STK32C: variants seen among roughly 807,000 people sequenced by gnomAD.
STK32C encodes serine/threonine-protein kinase 32C.
In STK32C, 31 loss-of-function variants were observed where a neutral mutation model predicts 56.5. The ratio of observed to expected loss-of-function variants is 0.55; its 90% confidence interval spans 0.41 to 0.74. The LOEUF (loss-of-function observed/expected upper bound fraction) is 0.74, where lower values mean the gene tolerates loss of function less well. Among genes scored for constraint, STK32C ranks in the 30% least tolerant of loss-of-function variants. The probability of loss-of-function intolerance (pLI) is 0.00; values close to 1 mark genes in which losing one functional copy is unlikely to be tolerated. For missense variants in STK32C, 544 were observed against 676.9 expected, an observed-to-expected ratio of 0.80 and a Z score of 2.18; for synonymous variants, 309 against 289.4, an observed-to-expected ratio of 1.07 and a Z score of -0.69.
At chr10:132,230,328 C>T (rs997288183) in intron 2 of STK32C, among the ~76,000 whole-genome samples, 4 of 152,244 alleles carry the variant, frequency 2.6e-5, no homozygotes, top group South Asian at 2.1e-4. Context: ...GGCAGAGTCG[C>T]GTGGCTCGGC....
chr10:132,330,763 G>A (rs187158198), intron 1 of STK32C, among the ~76,000 whole-genome samples: 18 of 149,964 alleles, frequency 1.2e-4, no homozygotes, highest in African/African-American at 4.4e-4. Context: ...TCCCACCCTG[G>A]CCTCCCAAAG....
downstream of STK32C, among the ~76,000 whole-genome samples, chr10:132,322,202 TTC>T (rs1187898366): frequency 6.6e-6 from 1 of 152,230 alleles, no homozygotes; most frequent in Non-Finnish European, 1.5e-5. Flanking sequence ...GGCCATTTAT[TTC>T]TCCTCTACTG....
chr10:132,259,563 G>A (rs1017361373), intron 1 of STK32C, among the ~76,000 whole-genome samples: 2 of 152,086 alleles, frequency 1.3e-5, no homozygotes, highest in Admixed American at 6.5e-5. Flanking sequence ...CTGAAAGTGT[G>A]TGTCACTTCC....
chr10:132,246,625 C>G (rs112282920), intron 1 of STK32C, among the ~76,000 whole-genome samples: 2 of 152,244 alleles, frequency 1.3e-5, no homozygotes, highest in African/African-American at 4.8e-5. Context: ...CTGCAAGTCC[C>G]TCCGGGAGAA....
At chr10:132,288,364 AACAT>A (rs2065472900) in intron 1 of STK32C, among the ~76,000 whole-genome samples, 1 of 152,272 alleles carries the variant, frequency 6.6e-6, no homozygotes, top group African/African-American at 2.4e-5. Flanking sequence ...GAACTTCATC[AACAT>A]TTAAAACTTC....
chr10:132,241,104 G>GACT, intron 2 of STK32C, among the ~76,000 whole-genome samples: 2 of 152,208 alleles, frequency 1.3e-5, no homozygotes, highest in South Asian at 2.1e-4. Context: ...TTAAGTGAGG[G>GACT]CCTGGCTGTT....
chr10:132,253,746 G>C (rs1324971145), intron 1 of STK32C, among the ~76,000 whole-genome samples: 1 of 152,244 alleles, frequency 6.6e-6, no homozygotes, highest in Non-Finnish European at 1.5e-5. Flanking sequence ...CCGGCTCGAG[G>C]CGAGAGATGG....
intron 2 of STK32C, among the ~76,000 whole-genome samples, chr10:132,237,325 A>G (rs2063329393): frequency 6.6e-6 from 1 of 152,248 alleles, no homozygotes. Context: ...GCTTCCTTGC[A>G]GCTCTAAGGC....
chr10:132,315,353 A>G (rs1425037999), intron 1 of STK32C, among the ~76,000 whole-genome samples: 6 of 152,166 alleles, frequency 3.9e-5, no homozygotes, highest in African/African-American at 1.4e-4. Flanking sequence ...GCATTAGGAC[A>G]AATACCTAAT....
At chr10:132,325,288 C>T (rs527387020) in intron 1 of STK32C, among the ~76,000 whole-genome samples, 105 of 152,178 alleles carry the variant, frequency 6.9e-4, no homozygotes, top group African/African-American at 2.5e-3. Flanking sequence ...CGCGGTGGCT[C>T]ACACCTGTAA....
intron 2 of STK32C, among the ~76,000 whole-genome samples, chr10:132,236,057 G>A (rs769725723): frequency 1.2e-4 from 19 of 152,162 alleles, no homozygotes; most frequent in Non-Finnish European, 1.9e-4. Flanking sequence ...GGTGCTTGTG[G>A]GGGGTCACAG....
intron 1 of STK32C, among the ~76,000 whole-genome samples, chr10:132,284,389 G>A (rs1240482155): frequency 4.9e-5 from 3 of 61,096 alleles, no homozygotes. Flanking sequence ...GGTTGGGGGG[G>A]CAGGTGAGGT....
intron 1 of STK32C, among the ~76,000 whole-genome samples, chr10:132,326,383 G>A (rs2066499826): frequency 1.3e-5 from 2 of 152,244 alleles, no homozygotes; most frequent in South Asian, 4.1e-4. Context: ...CCAGGCTGGA[G>A]TGCAGTGGTG....
intron 11 of STK32C, 27 bp downstream of exon 11, chr10:132,209,006 CA>C: frequency 6.2e-7 from 1 of 1,606,898 alleles, no homozygotes; most frequent in Non-Finnish European, 8.5e-7. Flanking sequence ...TCTCTGCCAC[CA>C]CGCCCACCCA....
intron 10 of STK32C, among the ~76,000 whole-genome samples, chr10:132,218,985 G>A (rs1446126733): frequency 6.6e-6 from 1 of 152,138 alleles, no homozygotes; most frequent in Non-Finnish European, 1.5e-5. Flanking sequence ...TCCATGAAAC[G>A]CCCACAACAG....
chr10:132,229,841 G>A (rs563567446), intron 2 of STK32C, among the ~76,000 whole-genome samples: 62 of 152,382 alleles, frequency 4.1e-4, no homozygotes, highest in African/African-American at 1.0e-3. Context: ...GGTGCCAAGC[G>A]GTGGCCTGGG....
chr10:132,301,083 G>C (rs371108603), intron 1 of STK32C, among the ~76,000 whole-genome samples: 191 of 152,024 alleles, frequency 1.3e-3, no homozygotes, highest in African/African-American at 4.4e-3. Context: ...CAAGTAGAAG[G>C]CCTGGTCGTC....
chr10:132,299,797 G>A (rs1397438544), intron 1 of STK32C, among the ~76,000 whole-genome samples: 3 of 152,256 alleles, frequency 2.0e-5, no homozygotes, highest in Admixed American at 6.5e-5. Flanking sequence ...AACAGGACCC[G>A]GTTTGAGAAA....
At chr10:132,267,172 T>C (rs1055571479) in intron 1 of STK32C, among the ~76,000 whole-genome samples, 3 of 152,220 alleles carry the variant, frequency 2.0e-5, no homozygotes, top group Non-Finnish European at 2.9e-5. Flanking sequence ...GTCCAGGCAG[T>C]GAGCCAGCTG....
Sources: gnomAD v4.1 joint callset for allele counts (sites outside exome capture counted in the v4.1 genomes callset) on GRCh38, gnomAD v4.1.1 for gene constraint, MANE v1.5 for transcripts, NCBI Gene and HGNC (gene_info 2026-07-23, HGNC 2026-07-21) for gene names.